Variants in RYR2 observed in about 807,000 individuals in gnomAD.
RYR2 encodes the protein cardiac muscle ryanodine receptor-calcium release channel.
RYR2 carries 227 observed loss-of-function variants against 601.1 expected under a neutral mutation model. That is an observed-to-expected ratio of 0.38 (90% CI 0.34 to 0.42). The LOEUF (loss-of-function observed/expected upper bound fraction) is 0.42. RYR2 is among the 10% of genes least tolerant of loss of function. The pLI, the probability that RYR2 is intolerant of heterozygous loss-of-function variation, is 1.00. For synonymous variants in RYR2, 2,223 were observed against 2,175.1 expected (o/e 1.02, Z -0.61); for missense variants, 4,646 against 6,156.5 (o/e 0.75, Z 8.21).
chr1:237,246,955 T>G (rs1686914328), intron 1 of RYR2, among the ~76,000 whole-genome samples: 1 of 152,226 alleles, frequency 6.6e-6, no homozygotes, highest in African/African-American at 2.4e-5. Context: ...GCATACAAAG[T>G]TTCGTCTCAG....
chr1:237,687,405 ACCTTCCCTTCCC>A (rs1686517537), intron 62 of RYR2, 38 bp from the exon 63 acceptor site: 1 of 552,584 alleles, frequency 1.8e-6, no homozygotes, highest in East Asian at 4.4e-5. Flanking sequence ...TGTCTTTTCT[ACCTTCCCTTCCC>A]CCTTCCCTTT....
At chr1:237,263,988 G>A (rs1688784248) in intron 1 of RYR2, among the ~76,000 whole-genome samples, 1 of 152,042 alleles carries the variant, frequency 6.6e-6, no homozygotes, top group African/African-American at 2.4e-5. Flanking sequence ...TAGATAGGGC[G>A]ACCGTGGAAG....
At chr1:237,422,955 A>T in intron 11 of RYR2, 137 bp from the exon 12 acceptor site, 1 of 946,502 alleles carries the variant, frequency 1.1e-6, no homozygotes, top group Non-Finnish European at 1.5e-6. Flanking sequence ...AAATGAAATT[A>T]ATATCACTAA....
chr1:237,066,921 G>T (rs4006359), intron 1 of RYR2, among the ~76,000 whole-genome samples: 117,301 of 151,758 alleles, frequency 0.77, 45,898 homozygotes, highest in East Asian at 0.99. Flanking sequence ...ACAGGCGTGA[G>T]CCACCGCGCC....
At chr1:237,103,982 C>G (rs1378846964) in intron 1 of RYR2, among the ~76,000 whole-genome samples, 1 of 152,032 alleles carries the variant, frequency 6.6e-6, no homozygotes, top group East Asian at 1.9e-4. Context: ...GTCACCATGC[C>G]TTTATCAGTC....
At chr1:237,603,762 G>A (rs886434577) in intron 35 of RYR2, among the ~76,000 whole-genome samples, 3 of 152,080 alleles carry the variant, frequency 2.0e-5, no homozygotes, top group African/African-American at 7.2e-5. Context: ...CAAAGGCAGG[G>A]ATTGCAATCC....
chr1:237,270,591 T>A lies in RYR2; in HGVS notation c.143T>A (p.Phe48Tyr). 1 of 1,591,884 alleles carries A rather than the reference T, an allele frequency of 6.3e-7. No homozygotes were observed. The highest frequency in any genetic ancestry group is 8.6e-7 in the Non-Finnish European group (1 of 1,168,462). ...AAEGFGNRLC[F>Y]LESTSNSKNV... ...GAAGGATTTGGCAACAGACTTTGTT[T>A]CTTGGAGTCCACTTCCAATTCCAAG... The change falls in exon 2 of 105, where the codon TTC becomes TAC. Residue 48 changes from phenylalanine to tyrosine, a missense_variant. This residue lies in a region of RYR2 where 153 missense variants were observed against 203.6 expected (regional missense o/e 0.75). Coordinates refer to ENST00000366574, the MANE Select transcript of RYR2 (RefSeq NM_001035.3).
At chr1:237,609,012 CTCCCTCCCTCCT>C (rs1165935095) in intron 35 of RYR2, among the ~76,000 whole-genome samples, 1 of 151,130 alleles carries the variant, frequency 6.6e-6, no homozygotes, top group Non-Finnish European at 1.5e-5. Context: ...TCTTCTCCCT[CTCCCTCCCTCCT>C]TCCCTCCCTC....
chr1:237,788,368 C>T (rs1229617681), intron 92 of RYR2, among the ~76,000 whole-genome samples: 1 of 152,148 alleles, frequency 6.6e-6, no homozygotes, highest in African/African-American at 2.4e-5. Flanking sequence ...TCCCTGAAAC[C>T]CTTTCATTTG....
rs1680567294 is a variant in RYR2 at position 237,633,606 on chromosome 1, A to G, written c.6584A>G (p.Asn2195Ser). The change falls in exon 43 of 105, where the codon AAC (asparagine) becomes AGC (serine). Residue 2195 changes from asparagine (N) to serine (S), a missense_variant. By Grantham distance (46) the Asn-to-Ser change is conservative. Coordinates refer to ENST00000366574, the MANE Select transcript of RYR2 (RefSeq NM_001035.3). ...KEITFPKMVA[N>S]CCRFLCYFCR... ...ATCACCTTTCCCAAGATGGTGGCCA[A>G]CTGTTGCCGTTTTCTCTGTTACTTC... is the stretch of plus-strand genomic sequence containing the variant. The G allele has an allele frequency of 1.2e-6, 2 of 1,613,984 alleles. No homozygotes were observed. The highest frequency in any genetic ancestry group is 1.7e-6 in the Non-Finnish European group (2 of 1,179,864).
chr1:237,777,878 C>A (rs1371283652), intron 87 of RYR2, among the ~76,000 whole-genome samples: 22 of 152,176 alleles, frequency 1.4e-4, no homozygotes, highest in Non-Finnish European at 2.9e-4. Context: ...GGAAGCAAGA[C>A]AAGAAATTTG....
intron 24 of RYR2, among the ~76,000 whole-genome samples, chr1:237,524,258 A>G (rs546245467): frequency 9.7e-4 from 148 of 152,360 alleles, no homozygotes; most frequent in Non-Finnish European, 1.2e-3. Context: ...AGACTCCAAC[A>G]TGGATCAACC....
chr1:237,625,873 T>C, intron 40 of RYR2, 69 bp downstream of exon 40: 1 of 1,546,628 alleles, frequency 6.5e-7, no homozygotes, highest in Non-Finnish European at 8.8e-7. Flanking sequence ...TTTGAACGAA[T>C]GTTTTACTGG....
chr1:237,615,327 G>C (rs918195471), intron 37 of RYR2, among the ~76,000 whole-genome samples: 1 of 152,206 alleles, frequency 6.6e-6, no homozygotes, highest in East Asian at 1.9e-4. Flanking sequence ...CAGCAGCTGG[G>C]ACTGTAGGTA....
At chr1:237,730,535 T>C (rs1690589843) in intron 77 of RYR2, among the ~76,000 whole-genome samples, 179 bp downstream of exon 77, 2 of 152,140 alleles carry the variant, frequency 1.3e-5, no homozygotes, top group Non-Finnish European at 2.9e-5. Context: ...TGTGCTCTTG[T>C]CATTTCCAAG....
chr1:237,631,768 G>C lies in RYR2; in HGVS notation c.6555+227G>C, dbSNP rs373036349. Among the ~76,000 whole-genome samples, 82 of 151,342 alleles carry C rather than the reference G, an allele frequency of 5.4e-4. 1 individual carries two copies. Among genetic ancestry groups the C allele is most frequent in the South Asian group, 6.3e-4 (3 of 4,782 alleles). Reference sequence around the variant, plus strand: ...TCAGCCTCCCGAGGAGCTGGGATTAGAGGCGCCCGCCACCTCGCCCGGCTA... The same window carrying C: ...TCAGCCTCCCGAGGAGCTGGGATTACAGGCGCCCGCCACCTCGCCCGGCTA... On this transcript the variant is annotated intron_variant, in intron 42 of 104. Transcript: ENST00000366574.
intron 1 of RYR2, among the ~76,000 whole-genome samples, chr1:237,127,727 T>C (rs1220203772): frequency 3.5e-4 from 40 of 113,320 alleles, no homozygotes; most frequent in African/African-American, 4.6e-4. Flanking sequence ...CGGGCAGAGG[T>C]GCTCCTCACA....
chr1:237,725,680 C>T (rs953008188), intron 74 of RYR2, among the ~76,000 whole-genome samples: 10 of 152,038 alleles, frequency 6.6e-5, no homozygotes, highest in African/African-American at 2.4e-4. Context: ...TAACTATTTA[C>T]TTATCATTGA....
chr1:237,762,951 C>A (rs189762337), intron 84 of RYR2, among the ~76,000 whole-genome samples: 13 of 152,176 alleles, frequency 8.5e-5, no homozygotes, highest in Admixed American at 6.5e-4. Context: ...TTATTTGCTC[C>A]TTTATTTGTT....
Sources: gnomAD v4.1 joint callset for allele counts (sites outside exome capture counted in the v4.1 genomes callset) on GRCh38, gnomAD v4.1.1 for gene constraint, gnomAD v4.1.1 regional missense constraint, MANE v1.5 for transcripts, NCBI Gene and HGNC (gene_info 2026-07-23, HGNC 2026-07-21) for gene names.